ABCA13: variants seen among roughly 807,000 people sequenced by gnomAD.
ABCA13 encodes the protein ATP binding cassette subfamily A member 13.
ABCA13 carries 476 observed loss-of-function variants against 478.7 expected under a neutral mutation model. The observed-to-expected ratio is 0.99, with a 90% CI of 0.92 to 1.07. The LOEUF (loss-of-function observed/expected upper bound fraction) is 1.07. Among genes scored for constraint, ABCA13 ranks in the 50% least tolerant of loss-of-function variants. ABCA13 has a pLI of 0.00. For synonymous variants in ABCA13, 2,252 were observed against 2,158.9 expected (o/e 1.04, Z -1.20); for missense variants, 6,060 against 5,910.6 (o/e 1.03, Z -0.83).
intron 27 of ABCA13, among the ~76,000 whole-genome samples, chr7:48,330,485 G>GTCCGTCCATCCATCCA (rs1554447447): frequency 3.4e-4 from 46 of 134,984 alleles, no homozygotes; most frequent in African/African-American, 1.2e-3. Context: ...CCATCCATCC[G>GTCCGTCCATCCATCCA]TCCATCCATC....
intron 48 of ABCA13, among the ~76,000 whole-genome samples, chr7:48,489,964 G>T (rs1299494956): frequency 6.6e-6 from 1 of 152,120 alleles, no homozygotes; most frequent in African/African-American, 2.4e-5. Context: ...GAAACAAGAA[G>T]TATAAGCAAC....
chr7:48,638,049 G>A (rs914849516), intron 59 of ABCA13, among the ~76,000 whole-genome samples: 1 of 152,206 alleles, frequency 6.6e-6, no homozygotes, highest in Admixed American at 6.5e-5. Context: ...CCTTGCACAA[G>A]TGAGCACTGA....
chr7:48,207,951 C>T (rs1326221071), intron 3 of ABCA13, among the ~76,000 whole-genome samples: 2 of 152,060 alleles, frequency 1.3e-5, no homozygotes, highest in Admixed American at 1.3e-4. Flanking sequence ...AGATTTAAGT[C>T]TTTAATCAAT....
intron 42 of ABCA13, among the ~76,000 whole-genome samples, chr7:48,437,533 T>C (rs1823010007): frequency 6.6e-6 from 1 of 152,084 alleles, no homozygotes; most frequent in African/African-American, 2.4e-5. Context: ...TCTTTAGTTC[T>C]TTATCCATGT....
At chr7:48,600,863 T>A (rs1393577884) in intron 58 of ABCA13, among the ~76,000 whole-genome samples, 1 of 152,224 alleles carries the variant, frequency 6.6e-6, no homozygotes, top group Non-Finnish European at 1.5e-5. Context: ...CGCATATCTG[T>A]CCATATGAAA....
chr7:48,480,244 A>G (rs974519753), intron 45 of ABCA13, among the ~76,000 whole-genome samples: 36 of 152,200 alleles, frequency 2.4e-4, no homozygotes, highest in African/African-American at 8.4e-4. Flanking sequence ...ATGGTTGAGG[A>G]GATGGATTTG....
chr7:48,237,948 A>G (rs569278331), intron 8 of ABCA13, among the ~76,000 whole-genome samples: 339 of 152,236 alleles, frequency 2.2e-3, no homozygotes, highest in Non-Finnish European at 3.6e-3. Context: ...TAATTAAGGG[A>G]AAAAAATAGA....
chr7:48,177,795 A>T (rs1005993992), intron 1 of ABCA13, among the ~76,000 whole-genome samples: 1 of 152,192 alleles, frequency 6.6e-6, no homozygotes, highest in Non-Finnish European at 1.5e-5. Flanking sequence ...GCTAGATGAG[A>T]AGATAAAGTT....
chr7:48,431,868 G>A (rs975306894), intron 42 of ABCA13, among the ~76,000 whole-genome samples: 10 of 152,124 alleles, frequency 6.6e-5, no homozygotes, highest in African/African-American at 2.4e-4. Context: ...TCATCCATTA[G>A]ACAAAAGCCA....
intron 42 of ABCA13, among the ~76,000 whole-genome samples, chr7:48,440,888 TAAGA>T (rs1823496979): frequency 6.6e-6 from 1 of 152,096 alleles, no homozygotes; most frequent in African/African-American, 2.4e-5. Flanking sequence ...GTTTTGAATT[TAAGA>T]AAGAACCCTG....
intron 43 of ABCA13, among the ~76,000 whole-genome samples, chr7:48,458,887 G>C (rs1825956238): frequency 6.6e-6 from 1 of 152,134 alleles, no homozygotes; most frequent in Non-Finnish European, 1.5e-5. Flanking sequence ...CTGTAAAGAT[G>C]CTTGTTTTGT....
chr7:48,415,107 C>T (rs1259712849), intron 41 of ABCA13, among the ~76,000 whole-genome samples: 12 of 152,086 alleles, frequency 7.9e-5, no homozygotes, highest in Admixed American at 7.9e-4. Context: ...ACTAAAGCAC[C>T]ATACTTGAAT....
intron 43 of ABCA13, among the ~76,000 whole-genome samples, chr7:48,456,167 G>C (rs1426317960): frequency 6.6e-6 from 1 of 152,194 alleles, no homozygotes; most frequent in Non-Finnish European, 1.5e-5. Flanking sequence ...TACTGGCTAG[G>C]CTTTTCAACA....
Position 48,229,933 on chromosome 7 carries a change from G to A in ABCA13, c.741G>A (p.Gln247=), listed in dbSNP as rs1474608009. Residue 247 remains glutamine (Q), a synonymous_variant, in exon 7 of 62, where the codon CAG becomes CAA. Transcript: ENST00000435803. ...CCATTTCGACACTGACATTTCTGCA[G>A]CAACATGGAGTAGCAGTCACCGGTA... is the stretch of plus-strand genomic sequence containing the variant. ...NVTISTLTFL[Q]QHGVAVTEPV... is the part of the protein sequence containing the mutation. The A allele has an allele frequency of 6.2e-7, 1 of 1,613,896 alleles. No individual in the cohort carries two copies.
intron 22 of ABCA13, 68 bp downstream of exon 22, chr7:48,297,379 TTAAAA>T (rs1584707838): frequency 1.4e-6 from 2 of 1,393,692 alleles, no homozygotes; most frequent in Non-Finnish European, 2.0e-6. Context: ...AAATATATTA[TTAAAA>T]TAAAACATAC....
intron 39 of ABCA13, among the ~76,000 whole-genome samples, chr7:48,409,931 A>G (rs1818765427): frequency 1.3e-5 from 2 of 150,934 alleles, no homozygotes; most frequent in African/African-American, 4.9e-5. Context: ...AATACCAAAA[A>G]AAAAAAAAAA....
In ABCA13 at chr7:48,271,824, A is replaced by G. The variant is rs1178889461; in HGVS notation, c.2158A>G (p.Lys720Glu). 2.6e-6 allele frequency: 4 copies of G among 1,551,012 alleles called. No individual in the cohort carries two copies. The highest frequency in any genetic ancestry group is 1.2e-5 in the South Asian group (1 of 81,232). Residue 720 changes from lysine (K) to glutamate (E), a missense_variant, in exon 17 of 62, where the codon AAG becomes GAG. By Grantham distance (56) the Lys-to-Glu change is moderately conservative. Coordinates refer to ENST00000435803, the MANE Select transcript of ABCA13 (RefSeq NM_152701.5). Reference protein sequence around the residue: ...NFTKHLLMMEKKLHTLEDEQM... With the variant: ...NFTKHLLMMEEKLHTLEDEQM... ...CACAAAGCACCTTCTAATGATGGAA[A>G]AGAAGTTGCACACCCTTGAGGATGA...
chr7:48,404,054 T>A, intron 39 of ABCA13, 175 bp downstream of exon 39: 1 of 735,780 alleles, frequency 1.4e-6, no homozygotes, highest in Non-Finnish European at 2.3e-6. Context: ...AACATCTCTA[T>A]AGTGCTTAGA....
At chr7:48,390,368 C>T (rs1009747401) in intron 37 of ABCA13, among the ~76,000 whole-genome samples, 1 of 152,174 alleles carries the variant, frequency 6.6e-6, no homozygotes, top group Non-Finnish European at 1.5e-5. Context: ...GGGGTCTTCA[C>T]TATTTAAAAC....
Sources: gnomAD v4.1 joint callset for allele counts (sites outside exome capture counted in the v4.1 genomes callset) on GRCh38, gnomAD v4.1.1 for gene constraint, MANE v1.5 for transcripts, NCBI Gene and HGNC (gene_info 2026-07-23, HGNC 2026-07-21) for gene names.